Variants in TRAPPC9 observed in about 807,000 individuals in gnomAD.
TRAPPC9 encodes IKK2 binding protein.
In TRAPPC9, 83 loss-of-function variants were observed where a neutral mutation model predicts 124.0. That is an observed-to-expected ratio of 0.67 (90% CI 0.56 to 0.80). The LOEUF is 0.80. TRAPPC9 is among the 30% of genes least tolerant of loss of function. The probability of loss-of-function intolerance (pLI) is 0.00; values close to 1 mark genes in which losing one functional copy is unlikely to be tolerated. For synonymous variants in TRAPPC9, 638 were observed against 617.5 expected (o/e 1.03, Z -0.49); for missense variants, 1,302 against 1,508.3 (o/e 0.86, Z 2.27).
At chr8:139,792,722 C>G (rs906572973) in intron 21 of TRAPPC9, among the ~76,000 whole-genome samples, 1 of 152,238 alleles carries the variant, frequency 6.6e-6, no homozygotes, top group Non-Finnish European at 1.5e-5. Flanking sequence ...GCCTGGGACC[C>G]CCACAGTGCA....
chr8:140,069,123 G>A (rs1290677845), intron 17 of TRAPPC9, among the ~76,000 whole-genome samples: 1 of 152,198 alleles, frequency 6.6e-6, no homozygotes, highest in Non-Finnish European at 1.5e-5. Flanking sequence ...CCCTCCTGAA[G>A]CCGCTGTGCT....
At chr8:140,382,356 G>C (rs955481025) in intron 7 of TRAPPC9, among the ~76,000 whole-genome samples, 5 of 152,242 alleles carry the variant, frequency 3.3e-5, no homozygotes, top group Non-Finnish European at 7.3e-5. Context: ...CCTCACCCAG[G>C]AAGCGCAAAG....
rs112313148 is a variant in TRAPPC9, at chr8:139,791,311, C to T, written c.3056-59109G>A. On this transcript the variant is annotated intron_variant, in intron 21 of 22. Transcript: ENST00000438773. ...CTGCACAGACTCTCACACAGGCGCC[C>T]GTCTCCCCTGCACAGACACACACAC... Among the ~76,000 whole-genome samples, 1,354 of 147,992 alleles carry T rather than the reference C, an allele frequency of 9.1e-3. 15 individuals carry two copies. Among genetic ancestry groups the T allele is most frequent in the African/African-American group, 0.031 (1,277 of 40,918 alleles).
At chr8:140,334,820 A>G (rs1006204088) in intron 9 of TRAPPC9, among the ~76,000 whole-genome samples, 15 of 152,078 alleles carry the variant, frequency 9.9e-5, no homozygotes, top group African/African-American at 3.6e-4. Flanking sequence ...ATTATTCTGA[A>G]GGTATAATAA....
At chr8:139,968,550 G>A (rs1174024090) in intron 19 of TRAPPC9, among the ~76,000 whole-genome samples, 1 of 152,204 alleles carries the variant, frequency 6.6e-6, no homozygotes, top group Non-Finnish European at 1.5e-5. Context: ...CATTCACAAA[G>A]TCACCCGCTC....
chr8:139,782,371 C>T (rs1020916982), intron 21 of TRAPPC9, among the ~76,000 whole-genome samples: 17 of 152,116 alleles, frequency 1.1e-4, no homozygotes, highest in African/African-American at 4.1e-4. Context: ...AGGGGCCCCG[C>T]TCCCAGAAAA....
intron 21 of TRAPPC9, among the ~76,000 whole-genome samples, chr8:139,781,869 G>A (rs552676001): frequency 1.3e-5 from 2 of 152,152 alleles, no homozygotes; most frequent in African/African-American, 2.4e-5. Context: ...AACAAGTCAG[G>A]AAAAGAGAAA....
chr8:140,380,683 T>G (rs1032162907), intron 7 of TRAPPC9, among the ~76,000 whole-genome samples: 1 of 113,190 alleles, frequency 8.8e-6, no homozygotes, highest in Admixed American at 8.8e-5. Flanking sequence ...AAAAAAAGAA[T>G]AAATTGGACC....
Position 139,730,864 on chromosome 8 carries a change from G to A in TRAPPC9, c.*197C>T. ...AGTGTAGGAAGGGGCGTGGCATGGGGTGGGGCTGCCATGTCCGGGGCTTCT... is the reference window on the plus strand; with the variant it reads ...AGTGTAGGAAGGGGCGTGGCATGGGATGGGGCTGCCATGTCCGGGGCTTCT... On this transcript the variant is annotated 3_prime_UTR_variant, in exon 23 of 23. Coordinates refer to ENST00000438773, the MANE Select transcript of TRAPPC9 (RefSeq NM_001160372.4). 1 of 624,412 alleles carries A rather than the reference G, an allele frequency of 1.6e-6. No homozygotes were observed. 38.7% of individuals were successfully genotyped at this position (624,412 alleles called of 1,614,324 possible).
In TRAPPC9 at chr8:139,917,560, G is replaced by A. The variant is rs554512046; in HGVS notation, c.2811-7260C>T. Among the ~76,000 whole-genome samples the A allele has an allele frequency of 5.6e-4, 85 of 152,292 alleles. 1 individual carries two copies. Among genetic ancestry groups the A allele is most frequent in the Middle Eastern group, 3.4e-3 (1 of 294 alleles). On this transcript the variant is annotated intron_variant, in intron 19 of 22. Transcript: ENST00000438773. ...TAGGTGATCCAATCAAAGCACCATC[G>A]GAGAATGCACCAACACCAAAGCAAT...
At chr8:140,338,937 G>A (rs62529436) in intron 9 of TRAPPC9, among the ~76,000 whole-genome samples, 2,556 of 92,988 alleles carry the variant, frequency 0.027, 15 homozygotes, top group South Asian at 0.044. Context: ...GACGGGAAAC[G>A]GCTCAGAGAA....
chr8:139,753,081 C>T (rs1247601099), intron 21 of TRAPPC9, among the ~76,000 whole-genome samples: 1 of 145,678 alleles, frequency 6.9e-6, no homozygotes, highest in Non-Finnish European at 1.5e-5. Flanking sequence ...TCTATCCATC[C>T]ATCCATCCAT....
intron 16 of TRAPPC9, among the ~76,000 whole-genome samples, chr8:140,242,136 C>CAGAG (rs36214777): frequency 5.1e-4 from 75 of 146,258 alleles, no homozygotes; most frequent in Middle Eastern, 3.5e-3. Flanking sequence ...AAGAGGCAGA[C>CAGAG]AGAGAGAGAG....
chr8:140,259,913 C>T (rs2064360120), intron 15 of TRAPPC9, among the ~76,000 whole-genome samples: 1 of 152,152 alleles, frequency 6.6e-6, no homozygotes, highest in Admixed American at 6.5e-5. Context: ...CGGAAAAGAG[C>T]TATGTGAAAA....
At chr8:140,027,459 T>C (rs1840218584) in intron 17 of TRAPPC9, among the ~76,000 whole-genome samples, 1 of 152,144 alleles carries the variant, frequency 6.6e-6, no homozygotes, top group African/African-American at 2.4e-5. Flanking sequence ...GAGAGTGATG[T>C]AAAAGAAATC....
At chr8:139,851,695 G>A (rs546565845) in intron 21 of TRAPPC9, among the ~76,000 whole-genome samples, 127 of 152,282 alleles carry the variant, frequency 8.3e-4, no homozygotes, top group African/African-American at 2.8e-3. Context: ...GAAAGGTCCC[G>A]CGGACTCACG....
At position 139,971,832 on chromosome 8, in the gene TRAPPC9, A is replaced by AT. The variant is rs534713772; in HGVS notation, c.2810+16893dup. Among the ~76,000 whole-genome samples the AT allele has an allele frequency of 3.4e-3, 470 of 139,676 alleles. 4 individuals are homozygous for AT. The highest frequency in any genetic ancestry group is 0.024 in the South Asian group (102 of 4,338). 91.6% of individuals were successfully genotyped at this position (139,676 alleles called of 152,430 possible). A position where few individuals can be genotyped will look rare whatever the true frequency, so the allele number is the denominator to read the frequency against. On this transcript the variant is annotated intron_variant, in intron 19 of 22. Coordinates refer to ENST00000438773, the MANE Select transcript of TRAPPC9 (RefSeq NM_001160372.4). ...ATATATATATACACACACACACACAATTTTTTTTTTTGAGACAGAGTCTCG... is the reference window on the plus strand; with the variant it reads ...ATATATATATACACACACACACACAATTTTTTTTTTTTGAGACAGAGTCTCG...
chr8:139,995,231 C>T (rs934839485), intron 18 of TRAPPC9, among the ~76,000 whole-genome samples: 3 of 152,190 alleles, frequency 2.0e-5, no homozygotes, highest in Non-Finnish European at 4.4e-5. Flanking sequence ...ACTCCAGAGG[C>T]GTGCCCTGTG....
intron 15 of TRAPPC9, among the ~76,000 whole-genome samples, chr8:140,272,142 T>TGGC (rs1292969736): frequency 1.6e-5 from 1 of 60,626 alleles, no homozygotes; most frequent in African/African-American, 1.0e-4. Flanking sequence ...ATGGTGATGG[T>TGGC]GATGGTGGTA....
Sources: allele counts gnomAD v4.1 joint callset (sites outside exome capture counted in the v4.1 genomes callset), GRCh38; gene constraint gnomAD v4.1.1; transcripts MANE v1.5; gene names NCBI Gene and HGNC (gene_info 2026-07-23, HGNC 2026-07-21).